Variants in TMEM163 observed in about 807,000 individuals in gnomAD.
TMEM163 encodes the protein transmembrane protein 163.
In TMEM163, 17 loss-of-function variants were observed where a neutral mutation model predicts 29.3. That is an observed-to-expected ratio of 0.58 (90% CI 0.40 to 0.87). The LOEUF (loss-of-function observed/expected upper bound fraction) is 0.87, where lower values mean the gene tolerates loss of function less well. TMEM163 is among the 40% of genes least tolerant of loss of function. The pLI is 0.00. For synonymous variants in TMEM163, 157 were observed against 160.6 expected, an observed-to-expected ratio of 0.98 and a Z score of 0.17; for missense variants, 303 against 381.5, an observed-to-expected ratio of 0.79 and a Z score of 1.71.
At chr2:134,605,983 G>C (rs563624626) in intron 2 of TMEM163, among the ~76,000 whole-genome samples, 3 of 152,136 alleles carry the variant, frequency 2.0e-5, no homozygotes, top group South Asian at 2.1e-4. Flanking sequence ...GGGTGATTTT[G>C]GTTGGGAAGA....
chr2:134,562,318 T>C (rs71417517), intron 2 of TMEM163, among the ~76,000 whole-genome samples: 219 of 152,362 alleles, frequency 1.4e-3, no homozygotes, highest in Non-Finnish European at 2.5e-3. Flanking sequence ...CACAAGTGCA[T>C]TGTCAGTGCT....
intron 2 of TMEM163, among the ~76,000 whole-genome samples, chr2:134,670,334 G>A (rs1356747478): frequency 6.6e-5 from 10 of 152,126 alleles, no homozygotes; most frequent in Non-Finnish European, 1.3e-4. Context: ...TGGAGACCTC[G>A]CAGCATCTCA....
In TMEM163 at chr2:134,455,939, A is replaced by C. The variant is rs1417719390; in HGVS notation, c.*777T>G. On this transcript the variant is annotated 3_prime_UTR_variant, in exon 8 of 8. Transcript: ENST00000281924. Reference sequence around the variant, plus strand: ...GAGCGATCCATCTCTCACAGACTGTAATGTACCCATTACCACTTAACACAG... The same window carrying C: ...GAGCGATCCATCTCTCACAGACTGTCATGTACCCATTACCACTTAACACAG... 7.7e-6 allele frequency: 1 copy of C among 130,110 alleles called. No individual in the cohort carries two copies. Among genetic ancestry groups the C allele is most frequent in the African/African-American group, 2.8e-5 (1 of 35,118 alleles). The allele number at this position is 130,110 out of a possible 1,614,324, so 8.1% of individuals were successfully genotyped here. A position where few individuals can be genotyped will look rare whatever the true frequency, so the allele number is the denominator to read the frequency against.
intron 2 of TMEM163, among the ~76,000 whole-genome samples, chr2:134,552,323 G>A (rs1234458562): frequency 6.6e-6 from 1 of 152,042 alleles, no homozygotes; most frequent in Non-Finnish European, 1.5e-5. Context: ...AGCACCTGAG[G>A]GCCAATTTCC....
rs1048482195 is a variant in TMEM163 at position 134,455,981 on chromosome 2, T to G, written c.*735A>C. 6.5e-6 allele frequency: 1 copy of G among 152,702 alleles called. No individual in the cohort carries two copies. The highest frequency in any genetic ancestry group is 1.5e-5 in the Non-Finnish European group (1 of 68,108). 9.5% of individuals were successfully genotyped at this position (152,702 alleles called of 1,614,324 possible). Reference sequence around the variant, plus strand: ...TTAACACAGCATATAGATATATGCATATACGGATAGATTATATTTATTTAT... The same window carrying G: ...TTAACACAGCATATAGATATATGCAGATACGGATAGATTATATTTATTTAT... On this transcript the variant is annotated 3_prime_UTR_variant, in exon 8 of 8. Coordinates refer to ENST00000281924, the MANE Select transcript of TMEM163 (RefSeq NM_030923.5).
chr2:134,503,372 C>A (rs948746565), intron 4 of TMEM163, among the ~76,000 whole-genome samples: 2 of 152,214 alleles, frequency 1.3e-5, no homozygotes, highest in Non-Finnish European at 2.9e-5. Flanking sequence ...GAGGCTCTGG[C>A]ATGAGACATG....
chr2:134,580,775 T>G (rs1681673955), intron 2 of TMEM163, among the ~76,000 whole-genome samples: 1 of 151,668 alleles, frequency 6.6e-6, no homozygotes, highest in Non-Finnish European at 1.5e-5. Flanking sequence ...TAGCCGAGAG[T>G]GATGGTGCAT....
At chr2:134,556,206 C>T (rs932274201) in intron 2 of TMEM163, among the ~76,000 whole-genome samples, 1 of 152,150 alleles carries the variant, frequency 6.6e-6, no homozygotes, top group African/African-American at 2.4e-5. Flanking sequence ...ATCAGTCCTG[C>T]CTGATCTATC....
At chr2:134,539,953 G>C (rs1680628495) in intron 4 of TMEM163, among the ~76,000 whole-genome samples, 1 of 152,048 alleles carries the variant, frequency 6.6e-6, no homozygotes, top group Non-Finnish European at 1.5e-5. Flanking sequence ...TCACCATCAA[G>C]GAGGGCTCCT....
chr2:134,684,692 G>A (rs913695229), intron 2 of TMEM163, among the ~76,000 whole-genome samples: 2 of 152,056 alleles, frequency 1.3e-5, no homozygotes, highest in Admixed American at 6.6e-5. Flanking sequence ...TTGGGAGGCC[G>A]AGGCAGGTGG....
At chr2:134,507,357 T>TA (rs1679847964) in intron 4 of TMEM163, among the ~76,000 whole-genome samples, 1 of 151,030 alleles carries the variant, frequency 6.6e-6, no homozygotes, top group Non-Finnish European at 1.5e-5. Flanking sequence ...AATAAATAAA[T>TA]AAATAAATAA....
At position 134,651,280 on chromosome 2, in the gene TMEM163, T is replaced by C. The variant is rs1243361558; in HGVS notation, c.322+61920A>G. On this transcript the variant is annotated intron_variant, in intron 2 of 7. Transcript: ENST00000281924. ...ATCTCATTGTGGTTTTGATTTGCAT[T>C]TCTCTGATGGCCAGTGATGATGAGC... Among the ~76,000 whole-genome samples the C allele has an allele frequency of 1.5e-5, 2 of 137,168 alleles. 1 individual carries two copies. The highest frequency in any genetic ancestry group is 3.0e-5 in the Non-Finnish European group (2 of 65,824). The allele number at this position is 137,168 out of a possible 152,430, so 90.0% of individuals were successfully genotyped here. A position where few individuals can be genotyped will look rare whatever the true frequency, so the allele number is the denominator to read the frequency against.
chr2:134,522,474 C>T (rs1018977634), intron 4 of TMEM163, among the ~76,000 whole-genome samples: 10 of 152,330 alleles, frequency 6.6e-5, no homozygotes, highest in East Asian at 3.9e-4. Flanking sequence ...TGACAGCATC[C>T]GAAGTGCTAG....
intron 4 of TMEM163, among the ~76,000 whole-genome samples, chr2:134,510,341 TGGGGAA>T: frequency 6.6e-6 from 1 of 152,218 alleles, no homozygotes; most frequent in East Asian, 1.9e-4. Context: ...GGTCTGAGGT[TGGGGAA>T]ACCTTTGTGG....
intron 2 of TMEM163, among the ~76,000 whole-genome samples, chr2:134,619,334 T>C (rs1016630170): frequency 2.0e-5 from 3 of 152,332 alleles, no homozygotes; most frequent in South Asian, 2.1e-4. Context: ...CCTTTATGAA[T>C]GTAGATCCAA....
chr2:134,650,580 G>A (rs1558978283), intron 2 of TMEM163, among the ~76,000 whole-genome samples: 1 of 142,532 alleles, frequency 7.0e-6, no homozygotes. Context: ...GGGTACATGT[G>A]CACATTGTGC....
intron 2 of TMEM163, among the ~76,000 whole-genome samples, chr2:134,600,824 C>T (rs539818572): frequency 3.3e-5 from 5 of 152,236 alleles, no homozygotes; most frequent in South Asian, 2.1e-4. Context: ...AGTTGCCATG[C>T]GGTTTTCAGC....
intron 2 of TMEM163, among the ~76,000 whole-genome samples, chr2:134,558,930 A>G (rs772457222): frequency 2.0e-5 from 3 of 152,216 alleles, no homozygotes; most frequent in Non-Finnish European, 4.4e-5. Context: ...GGGCCTGGCA[A>G]CAACCTCACC....
At chr2:134,644,376 G>A (rs1031548528) in intron 2 of TMEM163, among the ~76,000 whole-genome samples, 3 of 152,044 alleles carry the variant, frequency 2.0e-5, no homozygotes, top group Non-Finnish European at 1.5e-5. Context: ...AGAAAGCTAC[G>A]GTAATTAAGA....
Sources: gnomAD v4.1 joint callset for allele counts (sites outside exome capture counted in the v4.1 genomes callset) on GRCh38, gnomAD v4.1.1 for gene constraint, MANE v1.5 for transcripts, NCBI Gene and HGNC (gene_info 2026-07-23, HGNC 2026-07-21) for gene names.